CRISPLD2: variants seen among roughly 807,000 people sequenced by gnomAD.
The protein encoded by CRISPLD2 is cysteine-rich secretory protein LCCL domain-containing 2.
In CRISPLD2, 47 loss-of-function variants were observed where a neutral mutation model predicts 71.1. That is an observed-to-expected ratio of 0.66 (90% CI 0.52 to 0.84). The LOEUF (loss-of-function observed/expected upper bound fraction) is 0.84, where lower values mean the gene tolerates loss of function less well. Among genes scored for constraint, CRISPLD2 ranks in the 40% least tolerant of loss-of-function variants. CRISPLD2 has a pLI of 0.00. For missense variants in CRISPLD2, 830 were observed against 651.1 expected (o/e 1.27, Z -2.99); for synonymous variants, 317 against 250.1 (o/e 1.27, Z -2.52).
intron 2 of CRISPLD2, among the ~76,000 whole-genome samples, chr16:84,845,001 G>A (rs927013189): frequency 6.6e-6 from 1 of 152,134 alleles, no homozygotes; most frequent in African/African-American, 2.4e-5. Flanking sequence ...CATTCAGAGC[G>A]CCAATCCAAC....
intron 13 of CRISPLD2, among the ~76,000 whole-genome samples, chr16:84,888,669 T>A (rs974036269): frequency 1.3e-5 from 2 of 152,230 alleles, no homozygotes; most frequent in Admixed American, 1.3e-4. Context: ...TGGCTGTCTG[T>A]CTGTTTCTTG....
intron 14 of CRISPLD2, among the ~76,000 whole-genome samples, chr16:84,903,326 C>T (rs1443805577): frequency 1.3e-5 from 2 of 152,188 alleles, no homozygotes; most frequent in Admixed American, 1.3e-4. Flanking sequence ...CCTGTAATCC[C>T]AGCACTTTGG....
chr16:84,891,995 T>G (rs2071667068), intron 14 of CRISPLD2, among the ~76,000 whole-genome samples: 1 of 152,264 alleles, frequency 6.6e-6, no homozygotes, highest in African/African-American at 2.4e-5. Context: ...TTTCCAGAGT[T>G]AAGACTTTGC....
At chr16:84,840,732 G>C (rs542170523) in intron 2 of CRISPLD2, among the ~76,000 whole-genome samples, 119 of 151,948 alleles carry the variant, frequency 7.8e-4, no homozygotes, top group Admixed American at 3.3e-3. Context: ...ATTAGAGACG[G>C]GATTTCACCA....
intron 12 of CRISPLD2, among the ~76,000 whole-genome samples, chr16:84,878,240 A>G (rs2071538184): frequency 7.0e-6 from 1 of 143,186 alleles, no homozygotes; most frequent in African/African-American, 3.0e-5. Context: ...AGAAAAAAGT[A>G]CACAATGTGT....
chr16:84,885,599 C>T (rs2071605589), intron 13 of CRISPLD2, among the ~76,000 whole-genome samples: 1 of 152,158 alleles, frequency 6.6e-6, no homozygotes. Flanking sequence ...CCGCCCTCAT[C>T]CGTTTAGTTT....
At chr16:84,875,528 T>G (rs765941539) in intron 11 of CRISPLD2, among the ~76,000 whole-genome samples, 27 of 150,476 alleles carry the variant, frequency 1.8e-4, no homozygotes, top group Non-Finnish European at 3.2e-4. Context: ...GCCAAAAGAT[T>G]AGACACCCTT....
intron 11 of CRISPLD2, among the ~76,000 whole-genome samples, chr16:84,877,220 C>T (rs2071526825): frequency 6.6e-6 from 1 of 152,216 alleles, no homozygotes; most frequent in African/African-American, 2.4e-5. Flanking sequence ...GGTGACAACG[C>T]CCTCAACCCG....
chr16:84,898,307 T>C (rs760094729), intron 14 of CRISPLD2, among the ~76,000 whole-genome samples: 13 of 152,114 alleles, frequency 8.5e-5, no homozygotes, highest in Non-Finnish European at 1.6e-4. Flanking sequence ...CTTTCCATTG[T>C]ACTAAGAATC....
At position 84,902,249 on chromosome 16, in the gene CRISPLD2, G is replaced by A. The variant is rs992850193; in HGVS notation, c.1440-4339G>A. ...CAATATCCCAAGTACAGAATAGAAAGGTGCTTCCACGAACTGAGCAGCGAG... is the reference window on the plus strand; with the variant it reads ...CAATATCCCAAGTACAGAATAGAAAAGTGCTTCCACGAACTGAGCAGCGAG... On this transcript the variant is annotated intron_variant, in intron 14 of 14. Coordinates refer to ENST00000262424, the MANE Select transcript of CRISPLD2 (RefSeq NM_031476.4). 7.9e-5 allele frequency among the ~76,000 whole-genome samples: 12 copies of A among 152,224 alleles called. 1 individual carries two copies. Among genetic ancestry groups the A allele is most frequent in the East Asian group, 3.9e-4 (2 of 5,170 alleles).
intron 14 of CRISPLD2, among the ~76,000 whole-genome samples, chr16:84,898,649 A>G (rs1287695923): frequency 6.6e-6 from 1 of 152,086 alleles, no homozygotes; most frequent in South Asian, 2.1e-4. Context: ...ATGTTTTGCT[A>G]CTTCTCACCC....
chr16:84,831,037 G>C (rs958118170), intron 1 of CRISPLD2, among the ~76,000 whole-genome samples: 2 of 152,202 alleles, frequency 1.3e-5, no homozygotes, highest in Non-Finnish European at 2.9e-5. Context: ...TCCCACCACT[G>C]TTCCGGCCCT....
chr16:84,841,705 C>T (rs1916776674), intron 2 of CRISPLD2, among the ~76,000 whole-genome samples: 2 of 151,970 alleles, frequency 1.3e-5, no homozygotes, highest in African/African-American at 4.8e-5. Flanking sequence ...AAGCGATTCT[C>T]CTGTCTCGGC....
chr16:84,845,825 G>A lies in CRISPLD2; in HGVS notation c.280G>A (p.Ala94Thr), dbSNP rs1881725990. ...ACTGGAGAAGTCTGCTGCAGCGTGGGCCAGTCAGTGCATCTGGGAGCACGG... is the reference window on the plus strand; with the variant it reads ...ACTGGAGAAGTCTGCTGCAGCGTGGACCAGTCAGTGCATCTGGGAGCACGG... Reference protein sequence around the residue: ...DELEKSAAAWASQCIWEHGPT... With the variant: ...DELEKSAAAWTSQCIWEHGPT... The change falls in exon 3 of 15, where the codon GCC becomes ACC. Residue 94 changes from alanine (A) to threonine (T), a missense_variant. Transcript: ENST00000262424. The A allele has an allele frequency of 2.5e-6, 4 of 1,613,890 alleles. No homozygotes were observed. Among genetic ancestry groups the A allele is most frequent in the Non-Finnish European group, 3.4e-6 (4 of 1,179,908 alleles).
rs148181046 is a variant in CRISPLD2, at chr16:84,909,348, G to T, written c.*2706G>T. On this transcript the variant is annotated 3_prime_UTR_variant, in exon 15 of 15. Transcript: ENST00000262424. ...AAAATGATGTATTTTGCTACTTCCT[G>T]TGTACAAAGTTTTATTGTAAATGTT... The T allele has an allele frequency of 6.6e-6, 1 of 152,624 alleles. No individual in the cohort carries two copies. Among genetic ancestry groups the T allele is most frequent in the Non-Finnish European group, 1.5e-5 (1 of 68,040 alleles). The allele number at this position is 152,624 out of a possible 1,614,324, so 9.5% of individuals were successfully genotyped here.
chr16:84,824,955 T>G (rs909874894), intron 1 of CRISPLD2, among the ~76,000 whole-genome samples: 1 of 151,718 alleles, frequency 6.6e-6, no homozygotes, highest in African/African-American at 2.4e-5. Flanking sequence ...AATACAAAAA[T>G]TAGCCGGGCG....
In CRISPLD2 at chr16:84,850,426, A is replaced by G. The variant is rs865925150; in HGVS notation, c.493-142A>G. ...TTTTAAGAAAATGTATGTATCTTCA[A>G]TGGGTTAGGGACTAATATCTGCTTC... On this transcript the variant is annotated intron_variant, in intron 4 of 14. Transcript: ENST00000262424. 44 of 651,566 alleles carry G rather than the reference A, an allele frequency of 6.8e-5. No individual in the cohort carries two copies. In the African/African-American group the frequency reaches 7.4e-4, roughly 11 times the overall value. 40.4% of individuals were successfully genotyped at this position (651,566 alleles called of 1,614,324 possible). A position where few individuals can be genotyped will look rare whatever the true frequency, so the allele number is the denominator to read the frequency against.
rs114139446 is a variant in CRISPLD2 at position 84,884,661 on chromosome 16, G to A, written c.1305+4077G>A. Among the ~76,000 whole-genome samples the A allele has an allele frequency of 3.1e-3, 474 of 152,342 alleles. 1 individual carries two copies. The highest frequency in any genetic ancestry group is 0.011 in the African/African-American group (455 of 41,574). On this transcript the variant is annotated intron_variant, in intron 13 of 14. Coordinates refer to ENST00000262424, the MANE Select transcript of CRISPLD2 (RefSeq NM_031476.4). ...GGAAGAAAGGAGGAAAGGTGTTTGC[G>A]TGGGAGATGTGCATATTGATAACGG...
intron 13 of CRISPLD2, among the ~76,000 whole-genome samples, chr16:84,884,358 A>G (rs375061664): frequency 6.6e-5 from 10 of 152,308 alleles, no homozygotes; most frequent in African/African-American, 2.4e-4. Flanking sequence ...TACTGGGATC[A>G]CTGTGTCAAT....
Sources: allele counts gnomAD v4.1 joint callset (sites outside exome capture counted in the v4.1 genomes callset), GRCh38; gene constraint gnomAD v4.1.1; transcripts MANE v1.5; gene names NCBI Gene and HGNC (gene_info 2026-07-23, HGNC 2026-07-21).